Variants in KCNC2 observed in about 807,000 individuals in gnomAD.
KCNC2 encodes the protein potassium voltage-gated channel subfamily C member 2.
Under a neutral mutation model 44.5 loss-of-function variants are expected in KCNC2, and 21 were observed. The ratio of observed to expected loss-of-function variants is 0.47; its 90% CI spans 0.33 to 0.68. KCNC2 has a LOEUF of 0.68. Among genes scored for constraint, KCNC2 ranks in the 30% least tolerant of loss-of-function variants. The pLI is 0.01. For synonymous variants in KCNC2, 391 were observed against 339.1 expected (o/e 1.15, Z -1.68); for missense variants, 589 against 826.2 (o/e 0.71, Z 3.52).
intron 2 of KCNC2, among the ~76,000 whole-genome samples, chr12:75,168,980 T>C (rs1175898744): frequency 1.3e-5 from 2 of 151,506 alleles, no homozygotes; most frequent in Non-Finnish European, 3.0e-5. Context: ...ATTTTCCTTT[T>C]TGAAAGCCAG....
Position 75,042,778 on chromosome 12 carries a change from C to CCGT in KCNC2, c.*326_*327insACG. On this transcript the variant is annotated 3_prime_UTR_variant, in exon 5 of 5. Transcript: ENST00000549446. Reference sequence around the variant, plus strand: ...CAATGAAGTGGTTGGCATTTGGAAGCACACTGTTTTAAATATATCTCCCTG... The same window carrying CCGT: ...CAATGAAGTGGTTGGCATTTGGAAGCCGTACACTGTTTTAAATATATCTCCCTG... 8.6e-7 allele frequency: 1 copy of CCGT among 1,157,006 alleles called. No homozygotes were observed. The highest frequency in any genetic ancestry group is 1.6e-5 in the African/African-American group (1 of 62,468). The allele number at this position is 1,157,006 out of a possible 1,614,324, so 71.7% of individuals were successfully genotyped here. A position where few individuals can be genotyped will look rare whatever the true frequency, so the allele number is the denominator to read the frequency against.
chr12:75,150,230 T>C (rs1337730004), intron 2 of KCNC2, among the ~76,000 whole-genome samples: 2 of 151,852 alleles, frequency 1.3e-5, no homozygotes, highest in Non-Finnish European at 2.9e-5. Context: ...CTCATAAAAA[T>C]AAAATAACCT....
At chr12:75,199,431 C>T (rs904147055) in intron 2 of KCNC2, among the ~76,000 whole-genome samples, 2 of 151,842 alleles carry the variant, frequency 1.3e-5, no homozygotes, top group Non-Finnish European at 2.9e-5. Context: ...TTGCAGTAAT[C>T]ATGGAGTATT....
At chr12:75,193,125 G>T (rs1434309012) in intron 2 of KCNC2, among the ~76,000 whole-genome samples, 1 of 152,072 alleles carries the variant, frequency 6.6e-6, no homozygotes, top group Non-Finnish European at 1.5e-5. Flanking sequence ...CTATACACAA[G>T]TTTATAACTA....
chr12:75,153,052 C>T (rs963172370), intron 2 of KCNC2, among the ~76,000 whole-genome samples: 7 of 151,738 alleles, frequency 4.6e-5, no homozygotes, highest in African/African-American at 1.7e-4. Context: ...TTTTAGGTAT[C>T]GTGAAGTAAA....
intron 2 of KCNC2, among the ~76,000 whole-genome samples, chr12:75,137,182 A>G (rs1889293039): frequency 6.6e-6 from 1 of 151,958 alleles, no homozygotes; most frequent in African/African-American, 2.4e-5. Context: ...CTCCTACCTC[A>G]TTGACATTTA....
intron 2 of KCNC2, among the ~76,000 whole-genome samples, chr12:75,196,772 C>T (rs1018534969): frequency 6.6e-5 from 10 of 151,700 alleles, no homozygotes; most frequent in Non-Finnish European, 1.5e-4. Context: ...AGTTACTTAA[C>T]TCCTTGACTA....
At chr12:75,177,204 C>T (rs374891920) in intron 2 of KCNC2, among the ~76,000 whole-genome samples, 57 of 151,428 alleles carry the variant, frequency 3.8e-4, no homozygotes, top group East Asian at 2.3e-3. Context: ...GGAAGATTTA[C>T]GTTAATGAAT....
chr12:75,128,824 T>C (rs1207859544), intron 2 of KCNC2, among the ~76,000 whole-genome samples: 1 of 152,180 alleles, frequency 6.6e-6, no homozygotes, highest in African/African-American at 2.4e-5. Flanking sequence ...TCATGCTTCA[T>C]TTATTCCCAT....
chr12:75,160,173 A>G (rs1262444711), intron 2 of KCNC2, among the ~76,000 whole-genome samples: 1 of 151,716 alleles, frequency 6.6e-6, no homozygotes, highest in Non-Finnish European at 1.5e-5. Flanking sequence ...ATCCCATATA[A>G]TTGCCACCCT....
At chr12:75,082,437 A>G (rs1333438074) in intron 2 of KCNC2, among the ~76,000 whole-genome samples, 3 of 151,850 alleles carry the variant, frequency 2.0e-5, no homozygotes, top group African/African-American at 7.2e-5. Context: ...GGTTGTCAGA[A>G]GATTAATTTA....
At chr12:75,103,339 T>C (rs959044857) in intron 2 of KCNC2, among the ~76,000 whole-genome samples, 5 of 152,194 alleles carry the variant, frequency 3.3e-5, no homozygotes, top group African/African-American at 1.2e-4. Flanking sequence ...TGATGTGTCA[T>C]CCGTTTCTTG....
At chr12:75,113,050 A>G (rs1007368121) in intron 2 of KCNC2, among the ~76,000 whole-genome samples, 5 of 152,162 alleles carry the variant, frequency 3.3e-5, no homozygotes, top group African/African-American at 7.2e-5. Flanking sequence ...TTAATTTACA[A>G]TGTAACTCAA....
At chr12:75,176,605 C>T (rs1892201246) in intron 2 of KCNC2, among the ~76,000 whole-genome samples, 1 of 151,952 alleles carries the variant, frequency 6.6e-6, no homozygotes, top group African/African-American at 2.4e-5. Context: ...CTTCTCTCCA[C>T]CTGAAAATTC....
At position 75,050,405 on chromosome 12, in the gene KCNC2, C is replaced by T. The variant is rs781461580; in HGVS notation, c.1600G>A (p.Glu534Lys). The T allele has an allele frequency of 6.2e-7, 1 of 1,610,062 alleles. No homozygotes were observed. The highest frequency in any genetic ancestry group is 8.5e-7 in the Non-Finnish European group (1 of 1,177,674). Residue 534 changes from glutamate to lysine, a missense_variant, in exon 3 of 5, where the codon GAA becomes AAA. Around this residue, in one of 7 missense-constraint regions of KCNC2, gnomAD observed 171 missense variants for 182.4 expected, o/e 0.94. Coordinates refer to ENST00000549446, the MANE Select transcript of KCNC2 (RefSeq NM_139137.4). ...CCTGCCTTACCTGATCTGTTATGTT[C>T]CAGAAGTCGATTGTCTTTGCCCAGA... ...TCLGKDNRLL[E>K]HNRSVLSGDD...
intron 2 of KCNC2, among the ~76,000 whole-genome samples, chr12:75,130,575 A>G (rs1470670463): frequency 6.6e-6 from 1 of 152,210 alleles, no homozygotes; most frequent in Non-Finnish European, 1.5e-5. Flanking sequence ...GGCTACAGAA[A>G]TTATTATAAC....
At chr12:75,201,290 A>AC (rs2031247164) in intron 2 of KCNC2, among the ~76,000 whole-genome samples, 1 of 85,066 alleles carries the variant, frequency 1.2e-5, no homozygotes, top group Non-Finnish European at 2.5e-5. Flanking sequence ...AAAAAAAAAA[A>AC]AAAAAAAACC....
chr12:75,125,296 T>C (rs537966151), intron 2 of KCNC2, among the ~76,000 whole-genome samples: 1 of 144,532 alleles, frequency 6.9e-6, no homozygotes, highest in South Asian at 2.2e-4. Flanking sequence ...ATCAAAAAAG[T>C]ATACAAAAGC....
At position 75,040,359 on chromosome 12, in the gene KCNC2, A is replaced by C. The variant is rs920429478; in HGVS notation, c.*2746T>G. Reference sequence around the variant, plus strand: ...AGTTTTAAAGACACGTACAAGCTTCATTTGCCACAAAACTCACAAAAAAGT... The same window carrying C: ...AGTTTTAAAGACACGTACAAGCTTCCTTTGCCACAAAACTCACAAAAAAGT... On this transcript the variant is annotated 3_prime_UTR_variant, in exon 5 of 5. Coordinates refer to ENST00000549446, the MANE Select transcript of KCNC2 (RefSeq NM_139137.4). The C allele has an allele frequency of 6.6e-6, 1 of 152,296 alleles. No individual in the cohort carries two copies. The highest frequency in any genetic ancestry group is 2.4e-5 in the African/African-American group (1 of 41,548). 9.4% of individuals were successfully genotyped at this position (152,296 alleles called of 1,614,324 possible).
Sources: allele counts gnomAD v4.1 joint callset (sites outside exome capture counted in the v4.1 genomes callset), GRCh38; gene constraint gnomAD v4.1.1; regional missense constraint gnomAD v4.1.1; transcripts MANE v1.5; gene names NCBI Gene and HGNC (gene_info 2026-07-23, HGNC 2026-07-21).